Variants in GOLPH3L observed in about 807,000 individuals in gnomAD.
The protein encoded by GOLPH3L is Golgi phosphoprotein 3-like.
A neutral mutation model predicts 30.3 loss-of-function variants in GOLPH3L; 22 were observed. The ratio of observed to expected loss-of-function variants is 0.73; its 90% confidence interval spans 0.52 to 1.04. The LOEUF (loss-of-function observed/expected upper bound fraction) is 1.04. Ranked by LOEUF, GOLPH3L falls within the 50% of genes least tolerant of loss-of-function variation. The pLI is 0.00. For missense variants in GOLPH3L, 303 were observed against 345.8 expected, an observed-to-expected ratio of 0.88 and a Z score of 0.98; for synonymous variants, 120 against 128.2, an observed-to-expected ratio of 0.94 and a Z score of 0.43.
chr1:150,688,380 T>C (rs1162746701), intron 2 of GOLPH3L, among the ~76,000 whole-genome samples: 2 of 152,014 alleles, frequency 1.3e-5, no homozygotes. Flanking sequence ...CTGAAATTAT[T>C]AGGAACATCC....
chr1:150,682,621 C>T (rs1424750694), intron 2 of GOLPH3L, among the ~76,000 whole-genome samples: 39 of 44,534 alleles, frequency 8.8e-4, no homozygotes, highest in Non-Finnish European at 4.0e-4. Flanking sequence ...CAGACTCTTT[C>T]TCAAAAAAAA....
intron 2 of GOLPH3L, among the ~76,000 whole-genome samples, chr1:150,689,718 C>T (rs1651166322): frequency 6.6e-6 from 1 of 152,076 alleles, no homozygotes; most frequent in Non-Finnish European, 1.5e-5. Flanking sequence ...GACCTTGGCT[C>T]ATTGCAGCCT....
intron 2 of GOLPH3L, among the ~76,000 whole-genome samples, chr1:150,673,568 AAAAAC>A (rs1650692766): frequency 7.9e-6 from 1 of 126,122 alleles, no homozygotes; most frequent in Non-Finnish European, 1.8e-5. Flanking sequence ...TCCGTCTCAA[AAAAAC>A]AAAACAAAAC....
chr1:150,691,541 A>AAAACAC (rs1651213016), intron 2 of GOLPH3L, among the ~76,000 whole-genome samples: 1 of 151,972 alleles, frequency 6.6e-6, no homozygotes, highest in African/African-American at 2.4e-5. Flanking sequence ...AACAAAAACA[A>AAAACAC]AACTATGAAA....
chr1:150,652,400 A>C (rs917771068), intron 4 of GOLPH3L, among the ~76,000 whole-genome samples: 15 of 149,552 alleles, frequency 1.0e-4, no homozygotes, highest in South Asian at 2.1e-4. Flanking sequence ...AAAAAAAAAA[A>C]AAAAAAAACC....
intron 2 of GOLPH3L, among the ~76,000 whole-genome samples, chr1:150,678,887 G>T (rs934167042): frequency 1.3e-5 from 2 of 152,160 alleles, no homozygotes; most frequent in African/African-American, 2.4e-5. Context: ...GGAGGCAGAG[G>T]TTGCAGTGAG....
intron 2 of GOLPH3L, among the ~76,000 whole-genome samples, chr1:150,675,044 A>G (rs773346165): frequency 6.6e-6 from 1 of 152,034 alleles, no homozygotes; most frequent in Admixed American, 6.5e-5. Context: ...CGTCTGGCTA[A>G]TTAAAAAAAA....
chr1:150,657,865 A>C (rs111282106), intron 4 of GOLPH3L, among the ~76,000 whole-genome samples: 1 of 152,196 alleles, frequency 6.6e-6, no homozygotes, highest in Non-Finnish European at 1.5e-5. Flanking sequence ...ATCTAGCATC[A>C]TTAACTTTAA....
intron 4 of GOLPH3L, among the ~76,000 whole-genome samples, chr1:150,651,067 A>T (rs773635378): frequency 6.6e-6 from 1 of 152,258 alleles, no homozygotes; most frequent in Admixed American, 6.5e-5. Flanking sequence ...CTGTAATCCC[A>T]GCATTTTGAG....
intron 2 of GOLPH3L, among the ~76,000 whole-genome samples, chr1:150,670,750 T>C (rs1650625481): frequency 6.6e-6 from 1 of 152,222 alleles, no homozygotes; most frequent in Admixed American, 6.5e-5. Flanking sequence ...ATTAATATTA[T>C]TTCTAGAAAT....
intron 4 of GOLPH3L, among the ~76,000 whole-genome samples, chr1:150,657,504 C>A (rs1312121858): frequency 1.3e-5 from 2 of 152,174 alleles, no homozygotes; most frequent in Non-Finnish European, 2.9e-5. Context: ...CACACATGTT[C>A]CCTCATTTGG....
chr1:150,690,708 G>T (rs990047394), intron 2 of GOLPH3L, among the ~76,000 whole-genome samples: 6 of 152,120 alleles, frequency 3.9e-5, no homozygotes. Context: ...TCAAGCTCAT[G>T]ATACCTTTGC....
chr1:150,651,163 A>G (rs1022143607), intron 4 of GOLPH3L, among the ~76,000 whole-genome samples: 1 of 152,156 alleles, frequency 6.6e-6, no homozygotes, highest in Admixed American at 6.6e-5. Context: ...CTAAAAATAC[A>G]AAAATTAGCC....
intron 2 of GOLPH3L, among the ~76,000 whole-genome samples, chr1:150,673,123 T>C (rs2101801198): frequency 6.6e-6 from 1 of 152,228 alleles, no homozygotes; most frequent in Admixed American, 6.5e-5. Flanking sequence ...GCTTTAAATC[T>C]CATTCTGGTC....
At chr1:150,679,779 G>A (rs587604656) in intron 2 of GOLPH3L, among the ~76,000 whole-genome samples, 1 of 152,248 alleles carries the variant, frequency 6.6e-6, no homozygotes, top group South Asian at 2.1e-4. Context: ...CAGCCTGGAC[G>A]ACAGAGTGGA....
At chr1:150,661,966 CA>C in intron 3 of GOLPH3L, 38 bp from the exon 4 acceptor site, 1 of 878,658 alleles carries the variant, frequency 1.1e-6, no homozygotes, top group Non-Finnish European at 2.0e-6. Flanking sequence ...CTGATTCCTT[CA>C]CTTCATTCAA....
chr1:150,693,493 G>A (rs1163274013), intron 2 of GOLPH3L, among the ~76,000 whole-genome samples: 2 of 151,874 alleles, frequency 1.3e-5, no homozygotes, highest in Admixed American at 6.6e-5. Flanking sequence ...GCGAGGGGGG[G>A]CGGTTATTTA....
rs1235613761 is a variant in GOLPH3L, at chr1:150,663,746, C to T, written c.201G>A (p.Trp67Ter). ...LKDKEGYTSF[W>*]NDCISSGLRG... The stretch of plus-strand genomic sequence containing the variant: ...GCAGGCCTGATGATATGCAGTCATT[C>T]CAGAAAGATGTGTACCCCTAGGAAA... The change falls in exon 3 of 5, where the codon TGG (tryptophan) becomes TGA (stop). Residue 67 changes from tryptophan (W) to a stop codon, truncating the protein, a stop_gained. Transcript: ENST00000271732. LOFTEE classifies it high-confidence loss of function. 1 of 1,613,140 alleles carries T rather than the reference C, an allele frequency of 6.2e-7. No homozygotes were observed. Among genetic ancestry groups the T allele is most frequent in the Non-Finnish European group, 8.5e-7 (1 of 1,179,284 alleles).
At chr1:150,683,759 C>T (rs1328441063) in intron 2 of GOLPH3L, among the ~76,000 whole-genome samples, 3 of 136,138 alleles carry the variant, frequency 2.2e-5, no homozygotes, top group Non-Finnish European at 4.7e-5. Context: ...AATGTTGGCT[C>T]ACTTGAGCTG....
Sources: allele counts gnomAD v4.1 joint callset (sites outside exome capture counted in the v4.1 genomes callset), GRCh38; gene constraint gnomAD v4.1.1; transcripts MANE v1.5; gene names NCBI Gene and HGNC (gene_info 2026-07-23, HGNC 2026-07-21).